STT3B: variants seen among roughly 807,000 people sequenced by gnomAD.
The protein encoded by STT3B is STT3 oligosaccharyltransferase complex catalytic subunit B.
A neutral mutation model predicts 96.8 loss-of-function variants in STT3B; 29 were observed. The observed-to-expected ratio is 0.30, with a 90% CI of 0.22 to 0.41. The LOEUF is 0.41. Among genes scored for constraint, STT3B ranks in the 10% least tolerant of loss-of-function variants. STT3B has a pLI of 1.00. For synonymous variants in STT3B, 367 were observed against 360.0 expected, an observed-to-expected ratio of 1.02 and a Z score of -0.22; for missense variants, 640 against 1,022.3, an observed-to-expected ratio of 0.63 and a Z score of 5.10.
chr3:31,573,124 T>TGA (rs987254448), intron 1 of STT3B, among the ~76,000 whole-genome samples: 8 of 151,870 alleles, frequency 5.3e-5, no homozygotes, highest in African/African-American at 1.9e-4. Flanking sequence ...AGGAATGAGG[T>TGA]GAGCTTGGAG....
chr3:31,600,218 G>C, intron 4 of STT3B, 142 bp from the exon 5 acceptor site: 1 of 410,966 alleles, frequency 2.4e-6, no homozygotes, highest in Non-Finnish European at 4.3e-6. Context: ...TTCTTCATAG[G>C]TTAGTAAGTT....
Position 31,633,113 on chromosome 3 carries a change from A to T in STT3B, c.2366A>T (p.Asn789Ile). ...TTAGATCACAAACCTCGAGTCACCA[A>T]CATTTTCCCAAAACAGAAGTATTTG... ...ETLDHKPRVT[N>I]IFPKQKYLSK... Residue 789 changes from asparagine (N) to isoleucine (I), a missense_variant, in exon 15 of 16, where the codon AAC becomes ATC. By Grantham distance (149) the Asn-to-Ile change is moderately radical (BLOSUM62 -3). Coordinates refer to ENST00000295770, the MANE Select transcript of STT3B (RefSeq NM_178862.3). 6.2e-7 allele frequency: 1 copy of T among 1,614,012 alleles called. No individual in the cohort carries two copies. Among genetic ancestry groups the T allele is most frequent in the Non-Finnish European group, 8.5e-7 (1 of 1,179,940 alleles).
chr3:31,573,133 AG>A (rs1175899419), intron 1 of STT3B, among the ~76,000 whole-genome samples: 2 of 152,126 alleles, frequency 1.3e-5, no homozygotes, highest in Non-Finnish European at 1.5e-5. Flanking sequence ...GTGAGCTTGG[AG>A]GACTGAAAGA....
At position 31,617,936 on chromosome 3, in the gene STT3B, C is replaced by T. The variant is rs1051194087; in HGVS notation, c.1124-4C>T. The T allele has an allele frequency of 6.3e-7, 1 of 1,598,848 alleles. No individual in the cohort carries two copies. The highest frequency in any genetic ancestry group is 1.3e-5 in the African/African-American group (1 of 74,568). On this transcript the variant is annotated splice_polypyrimidine_tract_variant and splice_region_variant and intron_variant, in intron 7 of 15. Transcript: ENST00000295770. ...TTAATTTCATCCATGTTTTTCCTTC[C>T]AAGGTTACATTGCACCATGGAGTGG... is the stretch of plus-strand genomic sequence containing the variant.
chr3:31,624,893 G>A, intron 11 of STT3B, 21 bp from the exon 12 acceptor site: 1 of 1,593,122 alleles, frequency 6.3e-7, no homozygotes, highest in Non-Finnish European at 8.6e-7. Flanking sequence ...TCATTTAAAA[G>A]AGTATTGTGA....
chr3:31,582,631 A>G (rs1402474883), intron 3 of STT3B, among the ~76,000 whole-genome samples: 4 of 151,946 alleles, frequency 2.6e-5, no homozygotes, highest in African/African-American at 9.7e-5. Flanking sequence ...GTAGTTTGTG[A>G]AGTCAGGTTT....
At chr3:31,546,817 C>G (rs1482452046) in intron 1 of STT3B, among the ~76,000 whole-genome samples, 1 of 152,130 alleles carries the variant, frequency 6.6e-6, no homozygotes, top group African/African-American at 2.4e-5. Flanking sequence ...CAGTTTGTGC[C>G]TAATTGGTCC....
chr3:31,612,057 A>T (rs974846686), intron 5 of STT3B, among the ~76,000 whole-genome samples: 4 of 152,164 alleles, frequency 2.6e-5, no homozygotes, highest in African/African-American at 9.7e-5. Context: ...CTAATTTGAA[A>T]ATTCAAAACT....
rs938495776 is a variant in STT3B, at chr3:31,629,200, C to T, written c.2074-98C>T. 7.5e-5 allele frequency: 54 copies of T among 722,510 alleles called. No individual in the cohort carries two copies. The Middle Eastern group carries it at 1.1e-3, about 15-fold the overall frequency. 44.8% of individuals were successfully genotyped at this position (722,510 alleles called of 1,614,324 possible). ...ACTGAATATGGCTTTATAAAGATAC[C>T]TCAGAAGCTTATTCTTACAGGGAAA... is the stretch of plus-strand genomic sequence containing the variant. On this transcript the variant is annotated intron_variant, in intron 13 of 15. Coordinates refer to ENST00000295770, the MANE Select transcript of STT3B (RefSeq NM_178862.3).
Position 31,622,278 on chromosome 3 carries a change from C to G in STT3B, c.1509C>G (p.Asp503Glu). ...PPVEDSSDED[D>E]KRNQGNLYDK... Reference sequence around the variant, plus strand: ...TGGAGGACAGCAGTGATGAGGATGACAAAAGAAACCAAGGAAATTTGTATG... The same window carrying G: ...TGGAGGACAGCAGTGATGAGGATGAGAAAAGAAACCAAGGAAATTTGTATG... Residue 503 changes from aspartate (D) to glutamate (E), a missense_variant, in exon 10 of 16, where the codon GAC becomes GAG. Coordinates refer to ENST00000295770, the MANE Select transcript of STT3B (RefSeq NM_178862.3). The G allele has an allele frequency of 1.2e-6, 2 of 1,613,920 alleles. No individual in the cohort carries two copies. The highest frequency in any genetic ancestry group is 1.7e-6 in the Non-Finnish European group (2 of 1,179,896).
intron 13 of STT3B, among the ~76,000 whole-genome samples, chr3:31,628,110 A>G (rs1317539615): frequency 2.0e-5 from 3 of 151,658 alleles, no homozygotes; most frequent in Admixed American, 6.6e-5. Flanking sequence ...CAACAAAATA[A>G]GTATGATTGA....
At chr3:31,618,150 T>C (rs559608414) in intron 8 of STT3B, among the ~76,000 whole-genome samples, 162 bp downstream of exon 8, 1 of 152,230 alleles carries the variant, frequency 6.6e-6, no homozygotes, top group East Asian at 1.9e-4. Context: ...TATCTTGTTA[T>C]GATACCTGTT....
chr3:31,612,825 G>A (rs1442107896), intron 5 of STT3B, among the ~76,000 whole-genome samples: 1 of 152,142 alleles, frequency 6.6e-6, no homozygotes, highest in Non-Finnish European at 1.5e-5. Context: ...GTCAAGCAAA[G>A]TGTGGCTCCA....
At chr3:31,624,528 G>C (rs1699491418) in intron 11 of STT3B, among the ~76,000 whole-genome samples, 1 of 152,230 alleles carries the variant, frequency 6.6e-6, no homozygotes, top group South Asian at 2.1e-4. Flanking sequence ...TGGTTTAATA[G>C]ACCTAGGTGA....
intron 1 of STT3B, among the ~76,000 whole-genome samples, chr3:31,538,574 A>G (rs964065402): frequency 5.3e-5 from 8 of 152,166 alleles, no homozygotes; most frequent in African/African-American, 1.9e-4. Context: ...AGGCTTTTAT[A>G]GGTCAGCCTG....
chr3:31,541,163 ATTCAGT>A (rs1193290816), intron 1 of STT3B, among the ~76,000 whole-genome samples: 1 of 152,148 alleles, frequency 6.6e-6, no homozygotes, highest in Non-Finnish European at 1.5e-5. Flanking sequence ...AGAAAAGATA[ATTCAGT>A]TTCAGTTTTT....
At chr3:31,559,488 G>C (rs779417503) in intron 1 of STT3B, among the ~76,000 whole-genome samples, 46 of 151,726 alleles carry the variant, frequency 3.0e-4, no homozygotes, top group Non-Finnish European at 5.3e-4. Context: ...TGTTGTTTAA[G>C]TTCCATGTAT....
At chr3:31,613,889 G>T (rs373855036) in intron 5 of STT3B, among the ~76,000 whole-genome samples, 1 of 151,876 alleles carries the variant, frequency 6.6e-6, no homozygotes, top group East Asian at 1.9e-4. Context: ...TATGTCTGTT[G>T]TCTTCTAGAC....
At chr3:31,622,063 C>G in intron 9 of STT3B, 34 bp from the exon 10 acceptor site, 1 of 1,586,274 alleles carries the variant, frequency 6.3e-7, no homozygotes, top group Non-Finnish European at 8.7e-7. Flanking sequence ...AACTTTTTCC[C>G]TCCAACATAT....
Sources: gnomAD v4.1 joint callset for allele counts (sites outside exome capture counted in the v4.1 genomes callset) on GRCh38, gnomAD v4.1.1 for gene constraint, MANE v1.5 for transcripts, NCBI Gene and HGNC (gene_info 2026-07-23, HGNC 2026-07-21) for gene names.